Variants in GOLGA8Q observed in about 807,000 individuals in gnomAD.
GOLGA8Q encodes the protein golgin A8 family member Q.
GOLGA8Q carries 3 observed loss-of-function variants against 48.7 expected under a neutral mutation model. The ratio of observed to expected loss-of-function variants is 0.06; its 90% CI spans 0.03 to 0.16. The LOEUF (loss-of-function observed/expected upper bound fraction) is 0.16. GOLGA8Q is among the 10% of genes least tolerant of loss of function. The pLI is 1.00. For missense variants in GOLGA8Q, 49 were observed against 364.3 expected (o/e 0.13, Z 7.05); for synonymous variants, 22 against 138.2 (o/e 0.16, Z 5.90).
At chr15:30,555,896 C>T in intron 4 of GOLGA8Q, 78 bp from the exon 5 acceptor site, 1 of 841,716 alleles carries the variant, frequency 1.2e-6, no homozygotes, top group East Asian at 2.5e-5. Flanking sequence ...CATTCCTGGC[C>T]CCTGCCTACC....
rs1399010585 is a variant in GOLGA8Q at position 30,558,055 on chromosome 15, A to C, written c.786+4A>C. 12 of 1,080,642 alleles carry C rather than the reference A, an allele frequency of 1.1e-5. 4 individuals are homozygous for C. In the South Asian group the frequency reaches 1.7e-4, roughly 15 times the overall value. The allele number at this position is 1,080,642 out of a possible 1,614,324, so 66.9% of individuals were successfully genotyped here. A position where few individuals can be genotyped will look rare whatever the true frequency, so the allele number is the denominator to read the frequency against. On this transcript the variant is annotated splice_donor_region_variant and intron_variant, in intron 10 of 18. Coordinates refer to ENST00000562783, the MANE Select transcript of GOLGA8Q (RefSeq NM_001355476.2). ...GATGAGTAAAATGTTGCAGGAGGTG[A>C]GATCTGACCCTTCAGCCCCCCCACA...
intron 8 of GOLGA8Q, among the ~76,000 whole-genome samples, chr15:30,557,543 GC>G (rs1195639577): frequency 7.4e-6 from 1 of 135,228 alleles, no homozygotes; most frequent in Non-Finnish European, 1.6e-5. Flanking sequence ...ATCTCTCTGG[GC>G]CTCTGTTAGC....
chr15:30,554,292 ACT>A (rs1299879590), intron 2 of GOLGA8Q, among the ~76,000 whole-genome samples: 3 of 125,002 alleles, frequency 2.4e-5, no homozygotes, highest in African/African-American at 1.0e-4. Context: ...AAAGAGCAAG[ACT>A]CTGTCTCAAA....
chr15:30,555,330 A>C, intron 4 of GOLGA8Q, among the ~76,000 whole-genome samples: 1 of 66,872 alleles, frequency 1.5e-5, no homozygotes, highest in South Asian at 4.5e-4. Context: ...CTCTCCAGAC[A>C]CCCCTGCTCG....
At position 30,560,395 on chromosome 15, in the gene GOLGA8Q, A is replaced by G; in HGVS notation, c.1201-141A>G. The G allele has an allele frequency of 2.8e-6, 3 of 1,054,434 alleles. 1 individual carries two copies. Among genetic ancestry groups the G allele is most frequent in the South Asian group, 1.6e-5 (1 of 63,368 alleles). 65.3% of individuals were successfully genotyped at this position (1,054,434 alleles called of 1,614,324 possible). A position where few individuals can be genotyped will look rare whatever the true frequency, so the allele number is the denominator to read the frequency against. On this transcript the variant is annotated intron_variant, in intron 13 of 18. Coordinates refer to ENST00000562783, the MANE Select transcript of GOLGA8Q (RefSeq NM_001355476.2). ...CAGCTAATGAACCAGCTGCAGCAGT[A>G]GAAAGCTTGGGGCAAAGCAGTGGCC...
intron 4 of GOLGA8Q, among the ~76,000 whole-genome samples, chr15:30,555,517 T>C (rs1365523190): frequency 2.4e-4 from 26 of 108,228 alleles, no homozygotes; most frequent in Non-Finnish European, 3.9e-4. Flanking sequence ...GTATCAAAGG[T>C]CTCTGTTAGC....
chr15:30,559,726 C>T (rs374169534), intron 13 of GOLGA8Q, among the ~76,000 whole-genome samples: 1,424 of 148,794 alleles, frequency 9.6e-3, no homozygotes, highest in Admixed American at 0.018. Flanking sequence ...GGCATTGTGG[C>T]GCATGCCTGT....
rs2059698132 is a variant in GOLGA8Q, at chr15:30,564,451, G to GA, written c.*1956dup. ...ATAAACCCAGTTTCAGAATGATAAA[G>GA]AAAAAATCTTAGACCAAATAATGCG... On this transcript the variant is annotated 3_prime_UTR_variant, in exon 19 of 19. Transcript: ENST00000562783. Among the ~76,000 whole-genome samples the GA allele has an allele frequency of 6.0e-5, 1 of 16,550 alleles. No homozygotes were observed. The highest frequency in any genetic ancestry group is 5.3e-4 in the African/African-American group (1 of 1,872). The allele number at this position is 16,550 out of a possible 152,430, so 10.9% of individuals were successfully genotyped here.
chr15:30,559,279 G>T lies in GOLGA8Q; in HGVS notation c.1188G>T (p.Glu396Asp). The T allele has an allele frequency of 8.9e-7, 1 of 1,127,316 alleles. No individual in the cohort carries two copies. 69.8% of individuals were successfully genotyped at this position (1,127,316 alleles called of 1,614,324 possible). Reference protein sequence around the residue: ...QLEQQVKELQEKLGEEHLEAA... With the variant: ...QLEQQVKELQDKLGEEHLEAA... ...AGCAGCAAGTAAAGGAGCTACAGGAGAAGCTTGGCGAGGTGAAGGAGACGG... is the reference window on the plus strand; with the variant it reads ...AGCAGCAAGTAAAGGAGCTACAGGATAAGCTTGGCGAGGTGAAGGAGACGG... Residue 396 changes from glutamate (E) to aspartate (D), a missense_variant, in exon 13 of 19, where the codon GAG (glutamate) becomes GAT (aspartate). By Grantham distance (45) the Glu-to-Asp change is conservative. Coordinates refer to ENST00000562783, the MANE Select transcript of GOLGA8Q (RefSeq NM_001355476.2).
At position 30,558,009 on chromosome 15, in the gene GOLGA8Q, G is replaced by A. The variant is rs1000978599; in HGVS notation, c.744G>A (p.Glu248=). 1 of 1,202,530 alleles carries A rather than the reference G, an allele frequency of 8.3e-7. No homozygotes were observed. Among genetic ancestry groups the A allele is most frequent in the Non-Finnish European group, 1.2e-6 (1 of 860,556 alleles). The allele number at this position is 1,202,530 out of a possible 1,614,324, so 74.5% of individuals were successfully genotyped here. A position where few individuals can be genotyped will look rare whatever the true frequency, so the allele number is the denominator to read the frequency against. ...RDECAEHIEG[E]RARWHQRMSK... is the part of the protein sequence containing the mutation. ...AGTGTGCTGAACATATAGAAGGAGA[G>A]AGGGCCCGGTGGCATCAGAGGATGA... The change falls in exon 10 of 19, where the codon GAG becomes GAA. Residue 248 remains glutamate (E), a synonymous_variant. Coordinates refer to ENST00000562783, the MANE Select transcript of GOLGA8Q (RefSeq NM_001355476.2).
chr15:30,558,151 C>G lies in GOLGA8Q; in HGVS notation c.787-96C>G. 1.8e-5 allele frequency: 8 copies of G among 445,732 alleles called. 2 individuals are homozygous for G. Among genetic ancestry groups the G allele is most frequent in the Non-Finnish European group, 3.2e-5 (8 of 253,598 alleles). 27.6% of individuals were successfully genotyped at this position (445,732 alleles called of 1,614,324 possible). A position where few individuals can be genotyped will look rare whatever the true frequency, so the allele number is the denominator to read the frequency against. On this transcript the variant is annotated intron_variant, in intron 10 of 18. Transcript: ENST00000562783. ...AGTAGAGCCAGAGGTGGTCATGGGT[C>G]TGGGCTTTGTGGAGGTGGGGGCAGA...
In GOLGA8Q at chr15:30,558,924, A is replaced by G; in HGVS notation, c.1088A>G (p.Lys363Arg). 2 of 267,802 alleles carry G rather than the reference A, an allele frequency of 7.5e-6. No individual in the cohort carries two copies. Among genetic ancestry groups the G allele is most frequent in the South Asian group, 2.8e-5 (1 of 35,792 alleles). The allele number at this position is 267,802 out of a possible 1,614,324, so 16.6% of individuals were successfully genotyped here. A position where few individuals can be genotyped will look rare whatever the true frequency, so the allele number is the denominator to read the frequency against. Residue 363 changes from lysine to arginine, a missense_variant, in exon 12 of 19, where the codon AAG (lysine) becomes AGG (arginine). By Grantham distance (26) the Lys-to-Arg change is conservative. Transcript: ENST00000562783. ...QEERLQEQHE[K>R]LRQLAKPQSV... is the part of the protein sequence containing the mutation. ...GAGAGGCTTCAGGAGCAGCACGAGA[A>G]GCTTCGGCAGCTGGCCAAGCCACAG...
In GOLGA8Q at chr15:30,553,887, C is replaced by G; in HGVS notation, c.144C>G (p.Ser48=). 9.1e-7 allele frequency: 1 copy of G among 1,095,260 alleles called. No individual in the cohort carries two copies. The allele number at this position is 1,095,260 out of a possible 1,614,324, so 67.8% of individuals were successfully genotyped here. A position where few individuals can be genotyped will look rare whatever the true frequency, so the allele number is the denominator to read the frequency against. The change falls in exon 2 of 19, where the codon TCC becomes TCG. Residue 48 remains serine (S), a synonymous_variant. Coordinates refer to ENST00000562783, the MANE Select transcript of GOLGA8Q (RefSeq NM_001355476.2). The part of the protein sequence containing the change: ...TNGSIPETAT[S]GGCQPPGDSA... ...GCAGTATCCCTGAGACAGCCACTTC[C>G]GGTGGTTGCCAGCCACCTGGGGATG...
Position 30,558,108 on chromosome 15 carries a change from C to G in GOLGA8Q, c.786+57C>G, listed in dbSNP as rs1229512329. On this transcript the variant is annotated intron_variant, in intron 10 of 18. Transcript: ENST00000562783. ...AGATAGGGCACTGGATCTTTCTGGGCATCTGTAAAATGGGAATAGTAGAGC... is the reference window on the plus strand; with the variant it reads ...AGATAGGGCACTGGATCTTTCTGGGGATCTGTAAAATGGGAATAGTAGAGC... The G allele has an allele frequency of 4.3e-6, 4 of 937,452 alleles. 1 individual carries two copies. The Middle Eastern group carries it at 1.1e-3, about 249-fold the overall frequency. The allele number at this position is 937,452 out of a possible 1,614,324, so 58.1% of individuals were successfully genotyped here.
Position 30,556,497 on chromosome 15 carries a change from T to A in GOLGA8Q, c.481+2T>A, listed in dbSNP as rs1172369085. ...AACGTTCTCTCAGATACTTTGAAGG[T>A]GGGAATCTGGGCACCCTGTCATCCT... On this transcript the variant is annotated splice_donor_variant, in intron 7 of 18. Coordinates refer to ENST00000562783, the MANE Select transcript of GOLGA8Q (RefSeq NM_001355476.2). LOFTEE classifies it high-confidence loss of function. 1.8e-6 allele frequency: 1 copy of A among 570,780 alleles called. No individual in the cohort carries two copies. Among genetic ancestry groups the A allele is most frequent in the Admixed American group, 3.1e-5 (1 of 31,806 alleles). The allele number at this position is 570,780 out of a possible 1,614,324, so 35.4% of individuals were successfully genotyped here.
intron 13 of GOLGA8Q, 135 bp from the exon 14 acceptor site, chr15:30,560,401 C>G (rs2140731311): frequency 9.5e-7 from 1 of 1,055,288 alleles, no homozygotes; most frequent in East Asian, 2.6e-5. Flanking sequence ...CAGTAGAAAG[C>G]TTGGGGCAAA....
At chr15:30,555,644 CAGTA>C (rs1445974221) in intron 4 of GOLGA8Q, among the ~76,000 whole-genome samples, 199 of 105,696 alleles carry the variant, frequency 1.9e-3, no homozygotes, top group Non-Finnish European at 3.3e-3. Flanking sequence ...CATACGTGCT[CAGTA>C]AGTGTTTATT....
rs1181018046 is a variant in GOLGA8Q, at chr15:30,560,192, C to G, written c.1201-344C>G. On this transcript the variant is annotated intron_variant, in intron 13 of 18. Transcript: ENST00000562783. The stretch of plus-strand genomic sequence containing the variant: ...ACCAGCCACCACGTGCCCTCACACC[C>G]AGGGTCTTCCTGCAGGTGTAGCTGA... Among the ~76,000 whole-genome samples the G allele has an allele frequency of 7.7e-5, 7 of 91,218 alleles. 2 individuals are homozygous for G. Among genetic ancestry groups the G allele is most frequent in the African/African-American group, 1.2e-4 (2 of 16,150 alleles). 59.8% of individuals were successfully genotyped at this position (91,218 alleles called of 152,430 possible).
At chr15:30,559,889 A>G (rs983694508) in intron 13 of GOLGA8Q, among the ~76,000 whole-genome samples, 1 of 133,242 alleles carries the variant, frequency 7.5e-6, no homozygotes, top group Non-Finnish European at 1.6e-5. Flanking sequence ...CTTAGATTGA[A>G]ACTGGATTCC....
Sources: gnomAD v4.1 joint callset for allele counts (sites outside exome capture counted in the v4.1 genomes callset) on GRCh38, gnomAD v4.1.1 for gene constraint, MANE v1.5 for transcripts, NCBI Gene and HGNC (gene_info 2026-07-23, HGNC 2026-07-21) for gene names.